Variants in CSMD1 observed in about 807,000 individuals in gnomAD.
CSMD1 encodes CUB and sushi domain-containing protein 1.
CSMD1 carries 213 observed loss-of-function variants against 417.5 expected under a neutral mutation model. That is an observed-to-expected ratio of 0.51 (90% confidence interval 0.46 to 0.57). The LOEUF (loss-of-function observed/expected upper bound fraction) is 0.57. CSMD1 is among the 20% of genes least tolerant of loss of function. The pLI, the probability that CSMD1 is intolerant of heterozygous loss-of-function variation, is 0.00. For missense variants in CSMD1, 6,923 were observed against 4,529.7 expected (o/e 1.53, Z -15.17); for synonymous variants, 2,862 against 1,736.8 (o/e 1.65, Z -16.11).
At chr8:4,504,422 C>A (rs539652065) in intron 2 of CSMD1, among the ~76,000 whole-genome samples, 4 of 152,048 alleles carry the variant, frequency 2.6e-5, no homozygotes, top group African/African-American at 4.8e-5. Flanking sequence ...CTACAGCTGA[C>A]AATAGTGGGT....
chr8:3,522,112 T>A lies in CSMD1; in HGVS notation c.1345-28386A>T, dbSNP rs577233192. Among the ~76,000 whole-genome samples the A allele has an allele frequency of 4.5e-4, 69 of 152,330 alleles. 1 individual carries two copies. In the South Asian group the frequency reaches 0.014, roughly 31 times the overall value. On this transcript the variant is annotated intron_variant, in intron 10 of 69. Transcript: ENST00000635120. ...AAATTGCATTAACTTTTTTTAACCC[T>A]CAATTCTGTATTCTTTAAACTACCA...
chr8:3,315,899 A>C (rs1253368545), intron 23 of CSMD1, among the ~76,000 whole-genome samples: 1 of 152,232 alleles, frequency 6.6e-6, no homozygotes, highest in Non-Finnish European at 1.5e-5. Flanking sequence ...CATTACATTA[A>C]TCCCAAGTGA....
intron 1 of CSMD1, among the ~76,000 whole-genome samples, chr8:4,674,798 T>A (rs1267773604): frequency 6.6e-6 from 1 of 152,122 alleles, no homozygotes; most frequent in Non-Finnish European, 1.5e-5. Context: ...CCCTCCAAAA[T>A]TCATGTGTTA....
At chr8:3,659,218 G>A (rs759142129) in intron 7 of CSMD1, among the ~76,000 whole-genome samples, 3 of 152,188 alleles carry the variant, frequency 2.0e-5, no homozygotes, top group Non-Finnish European at 2.9e-5. Flanking sequence ...GGAAGCCCAG[G>A]GAGGTGAAAT....
At chr8:4,662,425 C>T (rs1563091021) in intron 1 of CSMD1, among the ~76,000 whole-genome samples, 1 of 152,116 alleles carries the variant, frequency 6.6e-6, no homozygotes. Context: ...CATTGACACG[C>T]TTTTCTTTTA....
intron 4 of CSMD1, among the ~76,000 whole-genome samples, chr8:4,029,801 T>C (rs992463036): frequency 2.0e-5 from 3 of 152,182 alleles, no homozygotes; most frequent in Admixed American, 6.5e-5. Context: ...CTTCCTCTTA[T>C]GAACCTGTAT....
chr8:4,827,287 T>TAC (rs1799889639), intron 1 of CSMD1, among the ~76,000 whole-genome samples: 1 of 152,126 alleles, frequency 6.6e-6, no homozygotes, highest in African/African-American at 2.4e-5. Context: ...ATTACTCATG[T>TAC]TTCAAGCAGA....
intron 65 of CSMD1, among the ~76,000 whole-genome samples, chr8:2,953,930 C>G (rs181013294): frequency 1.3e-5 from 2 of 152,324 alleles, no homozygotes; most frequent in African/African-American, 4.8e-5. Flanking sequence ...CCACATGGAA[C>G]GACCAATGTT....
At chr8:3,774,304 A>C (rs1260129028) in intron 5 of CSMD1, among the ~76,000 whole-genome samples, 1 of 152,172 alleles carries the variant, frequency 6.6e-6, no homozygotes, top group African/African-American at 2.4e-5. Flanking sequence ...TTCCCAGAGC[A>C]TCTGGGTTTC....
At chr8:3,653,795 C>T (rs941271891) in intron 7 of CSMD1, among the ~76,000 whole-genome samples, 1 of 152,182 alleles carries the variant, frequency 6.6e-6, no homozygotes, top group African/African-American at 2.4e-5. Context: ...TAACTCGTGA[C>T]ACAAGTTTAA....
chr8:3,141,781 C>A (rs1216744612), intron 41 of CSMD1, among the ~76,000 whole-genome samples: 1 of 144,626 alleles, frequency 6.9e-6, no homozygotes, highest in Admixed American at 7.1e-5. Flanking sequence ...GCTTCCCAAG[C>A]CCCTGCCCGC....
At chr8:3,218,488 G>A (rs971608007) in intron 29 of CSMD1, among the ~76,000 whole-genome samples, 1 of 150,540 alleles carries the variant, frequency 6.6e-6, no homozygotes, top group African/African-American at 2.4e-5. Flanking sequence ...TTGAACCCTG[G>A]AGGCAGAGGT....
chr8:4,414,207 G>T (rs947874248), intron 3 of CSMD1, among the ~76,000 whole-genome samples: 3 of 152,140 alleles, frequency 2.0e-5, no homozygotes, highest in African/African-American at 7.2e-5. Context: ...CAGATCCACA[G>T]GTGTTAAAGA....
Position 4,261,872 on chromosome 8 carries a change from C to G in CSMD1, c.415+158081G>C, listed in dbSNP as rs11997912. Among the ~76,000 whole-genome samples the G allele has an allele frequency of 9.7e-3, 1,479 of 152,092 alleles. 20 individuals are homozygous for G. Among genetic ancestry groups the G allele is most frequent in the African/African-American group, 0.034 (1,406 of 41,498 alleles). On this transcript the variant is annotated intron_variant, in intron 3 of 69. Transcript: ENST00000635120. ...TTCATTATACCCTAATGAAACTAGACAAAATGTGTTAAAAAGTAGATGTGG... is the reference window on the plus strand; with the variant it reads ...TTCATTATACCCTAATGAAACTAGAGAAAATGTGTTAAAAAGTAGATGTGG...
intron 52 of CSMD1, among the ~76,000 whole-genome samples, chr8:3,015,395 G>C (rs1306052559): frequency 6.6e-6 from 1 of 151,930 alleles, no homozygotes; most frequent in Non-Finnish European, 1.5e-5. Flanking sequence ...TGGATGATTT[G>C]CTTTTTAAAG....
chr8:4,687,291 G>T (rs1236603006), intron 1 of CSMD1, among the ~76,000 whole-genome samples: 7 of 152,220 alleles, frequency 4.6e-5, no homozygotes, highest in Admixed American at 4.6e-4. Flanking sequence ...GCCTTACTGA[G>T]GACAGAGGAT....
At chr8:3,415,770 G>A (rs10098061) in intron 12 of CSMD1, among the ~76,000 whole-genome samples, 2 of 152,032 alleles carry the variant, frequency 1.3e-5, no homozygotes, top group South Asian at 2.1e-4. Context: ...CTTTATTTCA[G>A]ACTGAGATCT....
At chr8:3,029,890 T>C (rs929013489) in intron 50 of CSMD1, among the ~76,000 whole-genome samples, 1 of 152,076 alleles carries the variant, frequency 6.6e-6, no homozygotes, top group Non-Finnish European at 1.5e-5. Context: ...GAACTTGGAA[T>C]AGTAATTGTG....
At chr8:4,173,360 G>A (rs1416715978) in intron 3 of CSMD1, among the ~76,000 whole-genome samples, 1 of 152,156 alleles carries the variant, frequency 6.6e-6, no homozygotes, top group Non-Finnish European at 1.5e-5. Flanking sequence ...ATGTGGTGAT[G>A]CTGAACAGAA....
Sources: gnomAD v4.1 joint callset for allele counts (sites outside exome capture counted in the v4.1 genomes callset) on GRCh38, gnomAD v4.1.1 for gene constraint, MANE v1.5 for transcripts, NCBI Gene and HGNC (gene_info 2026-07-23, HGNC 2026-07-21) for gene names.